GMPS: variants seen among roughly 807,000 people sequenced by gnomAD.
The protein encoded by GMPS is GMP synthase [glutamine-hydrolyzing].
GMPS carries 15 observed loss-of-function variants against 77.9 expected under a neutral mutation model. The observed-to-expected ratio is 0.19, with a 90% CI of 0.13 to 0.30. The LOEUF (loss-of-function observed/expected upper bound fraction) is 0.30, where lower values mean the gene tolerates loss of function less well. Ranked by LOEUF, GMPS falls within the 10% of genes least tolerant of loss-of-function variation. GMPS has a pLI of 1.00. For synonymous variants in GMPS, 224 were observed against 275.9 expected (o/e 0.81, Z 1.86); for missense variants, 590 against 838.8 (o/e 0.70, Z 3.66).
At chr3:155,880,404 A>G (rs972074613) in intron 1 of GMPS, among the ~76,000 whole-genome samples, 2 of 152,148 alleles carry the variant, frequency 1.3e-5, no homozygotes, top group Non-Finnish European at 2.9e-5. Context: ...TTGTGGTAGT[A>G]TCTTTTTGTA....
intron 3 of GMPS, among the ~76,000 whole-genome samples, chr3:155,902,716 T>C (rs550271753): frequency 1.1e-4 from 16 of 152,322 alleles, no homozygotes; most frequent in Non-Finnish European, 1.6e-4. Context: ...ACAATCATCT[T>C]TATATTGTAG....
Position 155,929,183 on chromosome 3 carries a change from T to A in GMPS, c.1561-2582T>A, listed in dbSNP as rs546911036. On this transcript the variant is annotated intron_variant, in intron 12 of 15. Transcript: ENST00000496455. ...GTAAAAGTGTTCCTATTTCTCCACATCCTCTCCAGCACCTGTTGTTTCCTG... is the reference window on the plus strand; with the variant it reads ...GTAAAAGTGTTCCTATTTCTCCACAACCTCTCCAGCACCTGTTGTTTCCTG... 1.3e-3 allele frequency among the ~76,000 whole-genome samples: 204 copies of A among 151,146 alleles called. 1 individual carries two copies. Among genetic ancestry groups the A allele is most frequent in the African/African-American group, 4.8e-3 (200 of 41,412 alleles).
rs904107030 is a variant in GMPS, at chr3:155,940,082, A to G, written c.*2390A>G. On this transcript the variant is annotated 3_prime_UTR_variant, in exon 16 of 16. Transcript: ENST00000496455. The stretch of plus-strand genomic sequence containing the variant: ...GGCTACCTGGCTAATAACATTCATC[A>G]TTGGTTATTCTGGGCATATCATGAC... 9.6e-6 allele frequency: 2 copies of G among 208,978 alleles called. No homozygotes were observed. The highest frequency in any genetic ancestry group is 7.3e-5 in the East Asian group (1 of 13,762). 12.9% of individuals were successfully genotyped at this position (208,978 alleles called of 1,614,324 possible).
intron 10 of GMPS, among the ~76,000 whole-genome samples, chr3:155,921,945 C>T (rs983945401): frequency 1.3e-5 from 2 of 152,102 alleles, no homozygotes; most frequent in East Asian, 1.9e-4. Flanking sequence ...CAGACTAAAA[C>T]GTATGCATAA....
chr3:155,911,834 C>T (rs902028876), intron 7 of GMPS, among the ~76,000 whole-genome samples: 7 of 140,662 alleles, frequency 5.0e-5, no homozygotes, highest in African/African-American at 1.9e-4. Flanking sequence ...AGCGAAACTC[C>T]ATCTCAAAAA....
intron 12 of GMPS, among the ~76,000 whole-genome samples, chr3:155,930,056 A>G (rs1755571438): frequency 6.8e-6 from 1 of 147,682 alleles, no homozygotes; most frequent in African/African-American, 2.5e-5. Context: ...CGCCAAGTCA[A>G]TCCTAAGCCA....
intron 8 of GMPS, among the ~76,000 whole-genome samples, chr3:155,915,099 C>T (rs1755141543): frequency 6.6e-6 from 1 of 151,928 alleles, no homozygotes; most frequent in African/African-American, 2.4e-5. Flanking sequence ...ACATGTTTGC[C>T]TACATTGCCA....
chr3:155,916,146 A>C lies in GMPS; in HGVS notation c.1166A>C (p.Lys389Thr). 1 of 1,613,772 alleles carries C rather than the reference A, an allele frequency of 6.2e-7. No homozygotes were observed. Among genetic ancestry groups the C allele is most frequent in the Non-Finnish European group, 8.5e-7 (1 of 1,179,716 alleles). ...LVASGKAELI[K>T]THHNDTELIR... ...GCAAGTGGCAAAGCTGAACTCATCA[A>C]AACCCATCACAATGACACAGAGCTC... Residue 389 changes from lysine (K) to threonine (T), a missense_variant, in exon 9 of 16, where the codon AAA becomes ACA. This residue lies in a region of GMPS where 64 missense variants were observed against 114.5 expected (regional missense o/e 0.56). Transcript: ENST00000496455.
intron 3 of GMPS, among the ~76,000 whole-genome samples, chr3:155,900,829 C>T (rs1301977911): frequency 6.6e-5 from 10 of 152,040 alleles, no homozygotes; most frequent in Admixed American, 5.2e-4. Flanking sequence ...TAGATGATGC[C>T]GTCTAGCTAA....
At chr3:155,893,231 C>T (rs1022407895) in intron 1 of GMPS, among the ~76,000 whole-genome samples, 2 of 152,294 alleles carry the variant, frequency 1.3e-5, no homozygotes, top group Non-Finnish European at 2.9e-5. Context: ...ATTGTGTGCT[C>T]ATCCTACCAT....
intron 1 of GMPS, among the ~76,000 whole-genome samples, chr3:155,892,977 A>G (rs1281898342): frequency 6.6e-6 from 1 of 152,194 alleles, no homozygotes; most frequent in Non-Finnish European, 1.5e-5. Context: ...AGATGCATAT[A>G]TATCATTTTC....
chr3:155,878,295 CATA>C (rs1020997933), intron 1 of GMPS, among the ~76,000 whole-genome samples: 1 of 152,222 alleles, frequency 6.6e-6, no homozygotes, highest in African/African-American at 2.4e-5. Flanking sequence ...TTTCACTTAG[CATA>C]ATGCTTTCAA....
At chr3:155,915,907 AT>A in intron 8 of GMPS, 111 bp from the exon 9 acceptor site, 1 of 679,374 alleles carries the variant, frequency 1.5e-6, no homozygotes, top group Non-Finnish European at 2.5e-6. Context: ...GGTGGATTTT[AT>A]TTTCTGATCA....
Position 155,916,181 on chromosome 3 carries a change from T to C in GMPS, c.1201T>C (p.Leu401=), listed in dbSNP as rs774295789. ...HHNDTELIRK[L]REEGKVIEPL... ...CAATGACACAGAGCTCATCAGAAAGTTGAGAGAGGAGGTAAAAGTTTATGA... is the reference window on the plus strand; with the variant it reads ...CAATGACACAGAGCTCATCAGAAAGCTGAGAGAGGAGGTAAAAGTTTATGA... Residue 401 remains leucine, a synonymous_variant, in exon 9 of 16, where the codon TTG becomes CTG. Transcript: ENST00000496455. 9 of 1,606,034 alleles carry C rather than the reference T, an allele frequency of 5.6e-6. No individual in the cohort carries two copies. Among genetic ancestry groups the C allele is most frequent in the Non-Finnish European group, 7.6e-6 (9 of 1,176,888 alleles).
rs372497685 is a variant in GMPS, at chr3:155,911,070, T to C, written c.721-44T>C. Reference sequence around the variant, plus strand: ...TTTAAGCCAATAGTGTTTATTTTCTTTTTGCTTGTTTTGCTCATTTTGATT... The same window carrying C: ...TTTAAGCCAATAGTGTTTATTTTCTCTTTGCTTGTTTTGCTCATTTTGATT... On this transcript the variant is annotated intron_variant, in intron 6 of 15. Coordinates refer to ENST00000496455, the MANE Select transcript of GMPS (RefSeq NM_003875.3). The C allele has an allele frequency of 5.4e-6, 8 of 1,478,238 alleles. No individual in the cohort carries two copies. The African/African-American group carries it at 9.8e-5, about 18-fold the overall frequency. The allele number at this position is 1,478,238 out of a possible 1,614,324, so 91.6% of individuals were successfully genotyped here. A position where few individuals can be genotyped will look rare whatever the true frequency, so the allele number is the denominator to read the frequency against.
chr3:155,931,588 G>A (rs979300074), intron 12 of GMPS, among the ~76,000 whole-genome samples, 177 bp from the exon 13 acceptor site: 1 of 150,554 alleles, frequency 6.6e-6, no homozygotes, highest in Non-Finnish European at 1.5e-5. Context: ...CATTAAAGAA[G>A]CATTTAGTAT....
At position 155,916,002 on chromosome 3, in the gene GMPS, A is replaced by G. The variant is rs1755168315; in HGVS notation, c.1039-17A>G. ...AAGTTATCTCTTACAAGGCTGTTTT[A>G]CTCCTGTTGATTATAGATTGCCAAT... On this transcript the variant is annotated splice_polypyrimidine_tract_variant and intron_variant, in intron 8 of 15. Coordinates refer to ENST00000496455, the MANE Select transcript of GMPS (RefSeq NM_003875.3). 6.3e-7 allele frequency: 1 copy of G among 1,595,460 alleles called. No individual in the cohort carries two copies. The highest frequency in any genetic ancestry group is 8.6e-7 in the Non-Finnish European group (1 of 1,167,186).
At chr3:155,912,414 T>G (rs1755065739) in intron 7 of GMPS, among the ~76,000 whole-genome samples, 1 of 152,250 alleles carries the variant, frequency 6.6e-6, no homozygotes, top group African/African-American at 2.4e-5. Context: ...CAATGGTATC[T>G]TCACATGGTG....
At chr3:155,929,084 T>C (rs1755531833) in intron 12 of GMPS, among the ~76,000 whole-genome samples, 1 of 151,684 alleles carries the variant, frequency 6.6e-6, no homozygotes, top group South Asian at 2.1e-4. Context: ...ATGGTATTTC[T>C]AGCTCTAGAT....
Sources: gnomAD v4.1 joint callset for allele counts (sites outside exome capture counted in the v4.1 genomes callset) on GRCh38, gnomAD v4.1.1 for gene constraint, gnomAD v4.1.1 regional missense constraint, MANE v1.5 for transcripts, NCBI Gene and HGNC (gene_info 2026-07-23, HGNC 2026-07-21) for gene names.